ATG7: variants seen among roughly 807,000 people sequenced by gnomAD.
ATG7 encodes the protein autophagy related 7, also known as ubiquitin-like modifier-activating enzyme ATG7.
A neutral mutation model predicts 82.4 loss-of-function variants in ATG7; 70 were observed. The ratio of observed to expected loss-of-function variants is 0.85; its 90% CI spans 0.70 to 1.04. The LOEUF (loss-of-function observed/expected upper bound fraction) is 1.04. Among genes scored for constraint, ATG7 ranks in the 50% least tolerant of loss-of-function variants. The pLI, the probability that ATG7 is intolerant of heterozygous loss-of-function variation, is 0.00. For missense variants in ATG7, 792 were observed against 864.3 expected (o/e 0.92, Z 1.05); for synonymous variants, 287 against 313.0 (o/e 0.92, Z 0.88).
chr3:11,323,432 T>A lies in ATG7; in HGVS notation c.679-7908T>A, dbSNP rs558242940. On this transcript the variant is annotated intron_variant, in intron 9 of 20. Coordinates refer to ENST00000693202, the MANE Select transcript of ATG7 (RefSeq NM_001349232.2). ...ATCAGATGTTGTAGTATTGTACACA[T>A]GTGTTAGGTTGAAAATGGGCCTTAA... Among the ~76,000 whole-genome samples, 24 of 152,288 alleles carry A rather than the reference T, an allele frequency of 1.6e-4. No individual in the cohort carries two copies. The South Asian group carries it at 5.0e-3, about 32-fold the overall frequency.
intron 20 of ATG7, 52 bp from the exon 21 acceptor site, chr3:11,554,759 C>T (rs1292066682): frequency 8.1e-6 from 13 of 1,602,898 alleles, no homozygotes; most frequent in South Asian, 1.1e-5. Context: ...TCTGTGTGCC[C>T]CCCACCGGGC....
At chr3:11,386,528 G>A (rs1046246567) in intron 19 of ATG7, among the ~76,000 whole-genome samples, 1 of 152,092 alleles carries the variant, frequency 6.6e-6, no homozygotes, top group African/African-American at 2.4e-5. Flanking sequence ...ACAAGGACTG[G>A]CCAGAGCCCA....
chr3:11,331,380 A>G lies in ATG7; in HGVS notation c.719A>G (p.Tyr240Cys), dbSNP rs1317359844. Residue 240 changes from tyrosine to cysteine, a missense_variant, in exon 10 of 21, where the codon TAC (tyrosine) becomes TGC (cysteine). By Grantham distance (194) the Tyr-to-Cys change is radical (BLOSUM62 -2). Coordinates refer to ENST00000693202, the MANE Select transcript of ATG7 (RefSeq NM_001349232.2). ...GVYDPCNLAQ[Y>C]PGWPLRNFLV... is the part of the protein sequence containing the mutation. ...TATGATCCCTGTAACTTAGCCCAGTACCCTGGATGGCCTTTGAGGAATTTT... is the reference window on the plus strand; with the variant it reads ...TATGATCCCTGTAACTTAGCCCAGTGCCCTGGATGGCCTTTGAGGAATTTT... 1 of 1,613,772 alleles carries G rather than the reference A, an allele frequency of 6.2e-7. No homozygotes were observed. Among genetic ancestry groups the G allele is most frequent in the African/African-American group, 1.3e-5 (1 of 74,918 alleles).
At chr3:11,494,169 G>C (rs757182675) in intron 20 of ATG7, among the ~76,000 whole-genome samples, 2 of 152,194 alleles carry the variant, frequency 1.3e-5, no homozygotes, top group African/African-American at 2.4e-5. Flanking sequence ...TGGGAGATCA[G>C]TCTCAAATCC....
chr3:11,440,968 C>A (rs1051435961), intron 20 of ATG7, among the ~76,000 whole-genome samples: 2 of 151,848 alleles, frequency 1.3e-5, no homozygotes, highest in African/African-American at 2.4e-5. Flanking sequence ...TAGGCATGAG[C>A]CACTGTGCCT....
Position 11,364,705 on chromosome 3 carries a change from C to T in ATG7, c.1846C>T (p.Pro616Ser). Residue 616 changes from proline (P) to serine (S), a missense_variant, in exon 18 of 21, where the codon CCA becomes TCA. Physicochemically the swap from Pro to Ser is moderately conservative, Grantham distance 74 (BLOSUM62 -1). Coordinates refer to ENST00000693202, the MANE Select transcript of ATG7 (RefSeq NM_001349232.2). ...SSSDDRMNEP[P>S]TSLGLVPHQI... ...CAGTGACGATCGGATGAATGAGCCT[C>T]CAACCTCTCTTGGGCTTGTGCCTCA... The T allele has an allele frequency of 6.2e-7, 1 of 1,614,182 alleles. No homozygotes were observed. Among genetic ancestry groups the T allele is most frequent in the East Asian group, 2.2e-5 (1 of 44,882 alleles).
chr3:11,403,707 A>G (rs531939542), intron 19 of ATG7, among the ~76,000 whole-genome samples: 1 of 152,212 alleles, frequency 6.6e-6, no homozygotes, highest in Non-Finnish European at 1.5e-5. Flanking sequence ...ATGAAAAGGC[A>G]AGGAATATAA....
intron 20 of ATG7, among the ~76,000 whole-genome samples, chr3:11,548,009 T>C (rs2071435034): frequency 6.6e-6 from 1 of 152,012 alleles, no homozygotes; most frequent in Non-Finnish European, 1.5e-5. Flanking sequence ...ACCCAACTAG[T>C]TTTTAAATTT....
intron 20 of ATG7, among the ~76,000 whole-genome samples, chr3:11,478,101 G>A (rs1247183564): frequency 6.6e-6 from 1 of 152,142 alleles, no homozygotes; most frequent in Non-Finnish European, 1.5e-5. Context: ...TGTGGGTAGG[G>A]CAAGGAAGTT....
At chr3:11,408,276 C>T (rs1359533250) in intron 19 of ATG7, among the ~76,000 whole-genome samples, 1 of 152,168 alleles carries the variant, frequency 6.6e-6, no homozygotes, top group Non-Finnish European at 1.5e-5. Flanking sequence ...CAACAAGTTC[C>T]TCATCTCCAT....
At position 11,395,951 on chromosome 3, in the gene ATG7, A is replaced by T. The variant is rs1210589669; in HGVS notation, c.1956+15899A>T. Among the ~76,000 whole-genome samples the T allele has an allele frequency of 7.7e-5, 9 of 117,582 alleles. No individual in the cohort carries two copies. In the South Asian group the frequency reaches 2.6e-3, roughly 34 times the overall value. 77.1% of individuals were successfully genotyped at this position (117,582 alleles called of 152,430 possible). ...CGAGACTCTGTCTCAAAAAAAAAAA[A>T]AAAAAAAAAAAAAAGGTAGGGGGGG... On this transcript the variant is annotated intron_variant, in intron 19 of 20. Coordinates refer to ENST00000693202, the MANE Select transcript of ATG7 (RefSeq NM_001349232.2).
chr3:11,549,397 G>A (rs7647622), intron 20 of ATG7, among the ~76,000 whole-genome samples: 33,565 of 152,030 alleles, frequency 0.22, 4,065 homozygotes, highest in African/African-American at 0.28. Flanking sequence ...AATTTCCAGT[G>A]TACAGTCCAG....
chr3:11,403,709 G>A (rs1186314531), intron 19 of ATG7, among the ~76,000 whole-genome samples: 1 of 152,080 alleles, frequency 6.6e-6, no homozygotes, highest in South Asian at 2.1e-4. Context: ...GAAAAGGCAA[G>A]GAATATAAAA....
At chr3:11,341,727 C>T (rs1403446095) in intron 12 of ATG7, among the ~76,000 whole-genome samples, 1 of 152,162 alleles carries the variant, frequency 6.6e-6, no homozygotes, top group Non-Finnish European at 1.5e-5. Context: ...GGATTACAGG[C>T]GTGAGCCGCT....
intron 11 of ATG7, among the ~76,000 whole-genome samples, chr3:11,336,583 A>G (rs1427351568): frequency 6.6e-6 from 1 of 152,244 alleles, no homozygotes; most frequent in Non-Finnish European, 1.5e-5. Flanking sequence ...AACTGAAAAT[A>G]TAAGTATGGT....
chr3:11,451,683 A>G (rs1257316294), intron 20 of ATG7, among the ~76,000 whole-genome samples: 1 of 152,046 alleles, frequency 6.6e-6, no homozygotes, highest in Admixed American at 6.6e-5. Flanking sequence ...TTGTTGGACT[A>G]TGAAGGCGGA....
At chr3:11,571,851 A>G in the ATG7 span, among the ~76,000 whole-genome samples, 1 of 152,084 alleles carries the variant, frequency 6.6e-6, no homozygotes, top group Non-Finnish European at 1.5e-5. Context: ...TCACACCTGT[A>G]ATCTCATCAC....
At position 11,555,138 on chromosome 3, in the gene ATG7, C is replaced by T. The variant is rs1365732072; in HGVS notation, c.*295C>T. 2.3e-6 allele frequency: 1 copy of T among 443,180 alleles called. No homozygotes were observed. Among genetic ancestry groups the T allele is most frequent in the Admixed American group, 4.2e-5 (1 of 23,682 alleles). The allele number at this position is 443,180 out of a possible 1,614,324, so 27.5% of individuals were successfully genotyped here. On this transcript the variant is annotated 3_prime_UTR_variant, in exon 21 of 21. Transcript: ENST00000693202. Reference sequence around the variant, plus strand: ...GTCACAGTGACTGATAGCCATCCCCCAGGATCCTTTCCCCTTGGCCCTGAG... The same window carrying T: ...GTCACAGTGACTGATAGCCATCCCCTAGGATCCTTTCCCCTTGGCCCTGAG...
At chr3:11,538,541 G>C (rs2070520368) in intron 20 of ATG7, among the ~76,000 whole-genome samples, 1 of 151,876 alleles carries the variant, frequency 6.6e-6, no homozygotes, top group Non-Finnish European at 1.5e-5. Flanking sequence ...ATTTGAATAT[G>C]ACACAGAATA....
Sources: allele counts gnomAD v4.1 joint callset (sites outside exome capture counted in the v4.1 genomes callset), GRCh38; gene constraint gnomAD v4.1.1; transcripts MANE v1.5; gene names NCBI Gene and HGNC (gene_info 2026-07-23, HGNC 2026-07-21).